The following RRP1 variants were observed in gnomAD, a reference collection of about 807,000 sequenced individuals.
The protein encoded by RRP1 is ribosomal RNA processing 1.
In RRP1, 37 loss-of-function variants were observed where a neutral mutation model predicts 54.6. That is an observed-to-expected ratio of 0.68 (90% CI 0.52 to 0.89). The LOEUF (loss-of-function observed/expected upper bound fraction) is 0.89. Ranked by LOEUF, RRP1 falls within the 40% of genes least tolerant of loss-of-function variation. The pLI is 0.00. For missense variants in RRP1, 639 were observed against 612.5 expected (o/e 1.04, Z -0.46); for synonymous variants, 262 against 244.3 (o/e 1.07, Z -0.67).
intron 2 of RRP1, among the ~76,000 whole-genome samples, chr21:43,791,661 C>A (rs2084960253): frequency 1.3e-5 from 2 of 152,116 alleles, no homozygotes; most frequent in Admixed American, 6.5e-5. Flanking sequence ...TGCCACCATG[C>A]CTGGCTAATT....
In RRP1 at chr21:43,789,706, A is replaced by C. The variant is rs2084936703; in HGVS notation, c.77A>C (p.Asp26Ala). The change falls in exon 1 of 13, where the codon GAC becomes GCC. Residue 26 changes from aspartate (D) to alanine (A), a missense_variant. Physicochemically the swap from Asp to Ala is moderately radical, Grantham distance 126. Transcript: ENST00000497547. ...GCGGGGAATGAGCAGGTGACCCGGGACCGGGCGGTGAGGAAGCTCCGGAAA... is the reference window on the plus strand; with the variant it reads ...GCGGGGAATGAGCAGGTGACCCGGGCCCGGGCGGTGAGGAAGCTCCGGAAA... ...RLAGNEQVTRDRAVRKLRKYI... is the reference protein window; with the variant it reads ...RLAGNEQVTRARAVRKLRKYI... 1 of 1,553,898 alleles carries C rather than the reference A, an allele frequency of 6.4e-7. No individual in the cohort carries two copies. Among genetic ancestry groups the C allele is most frequent in the African/African-American group, 1.4e-5 (1 of 72,020 alleles).
Position 43,800,237 on chromosome 21 carries a change from C to T in RRP1, c.892-280C>T, listed in dbSNP as rs144560678. ...AGTGGTAAAGCTGCAGGCAGGCTAC[C>T]GGCGGGCGTGTGCCCTGCAGTGTGC... On this transcript the variant is annotated intron_variant, in intron 9 of 12. Transcript: ENST00000497547. Among the ~76,000 whole-genome samples the T allele has an allele frequency of 3.5e-3, 529 of 152,328 alleles. 1 individual carries two copies. Among genetic ancestry groups the T allele is most frequent in the Middle Eastern group, 6.8e-3 (2 of 294 alleles).
chr21:43,800,745 A>AG (rs1555890886), intron 10 of RRP1, 117 bp from the exon 11 acceptor site: 1 of 1,516,920 alleles, frequency 6.6e-7, no homozygotes, highest in African/African-American at 1.4e-5. Flanking sequence ...GGACCCTGAG[A>AG]CCGTCCCCAG....
intron 11 of RRP1, 156 bp from the exon 12 acceptor site, chr21:43,802,118 G>A (rs1284196191): frequency 8.3e-6 from 5 of 601,986 alleles, no homozygotes; most frequent in Middle Eastern, 4.4e-4. Flanking sequence ...CAGCTGTGGC[G>A]GGTACTGAAC....
At position 43,803,514 on chromosome 21, in the gene RRP1, A is replaced by C. The variant is rs368644724; in HGVS notation, c.1126A>C (p.Lys376Gln). The C allele has an allele frequency of 4.4e-5, 68 of 1,549,074 alleles. No individual in the cohort carries two copies. In the African/African-American group the frequency reaches 8.7e-4, roughly 20 times the overall value. Residue 376 changes from lysine to glutamine, a missense_variant and splice_region_variant, in exon 13 of 13, where the codon AAA becomes CAA. Physicochemically the swap from Lys to Gln is moderately conservative, Grantham distance 53. Transcript: ENST00000497547. ...ATGGGGTCTTGCTGTTTTGTCAGGG[A>C]AAGGTGAGAAGGAGCCCCCGAGCCC... ...RLLRLQQERG[K>Q]GEKEPPSPGM...
At chr21:43,799,419 C>A in intron 8 of RRP1, 151 bp from the exon 9 acceptor site, 2 of 617,318 alleles carry the variant, frequency 3.2e-6, no homozygotes, top group South Asian at 4.5e-5. Context: ...ATGTTCTGAC[C>A]AGGGTGCAGG....
intron 1 of RRP1, 57 bp downstream of exon 1, chr21:43,789,819 T>C: frequency 7.0e-7 from 1 of 1,431,806 alleles, no homozygotes; most frequent in African/African-American, 1.5e-5. Context: ...GGTGCGGGTG[T>C]GGGCGGCGGC....
intron 8 of RRP1, among the ~76,000 whole-genome samples, chr21:43,798,583 C>G (rs189260838): frequency 5.8e-4 from 88 of 152,290 alleles, no homozygotes; most frequent in Middle Eastern, 3.4e-3. Flanking sequence ...ACAGCAAGCT[C>G]TGTCCATATT....
At chr21:43,799,968 G>C (rs768167339) in intron 9 of RRP1, among the ~76,000 whole-genome samples, 8 of 152,254 alleles carry the variant, frequency 5.3e-5, no homozygotes, top group Non-Finnish European at 8.8e-5. Flanking sequence ...CAGCCCCCCA[G>C]ATTTCCTGCG....
chr21:43,796,518 C>T (rs926738790), intron 5 of RRP1, among the ~76,000 whole-genome samples: 9 of 152,274 alleles, frequency 5.9e-5, no homozygotes, highest in Admixed American at 1.3e-4. Context: ...CAGTGGGGTC[C>T]GCTCTTCCCG....
chr21:43,802,221 A>C, intron 11 of RRP1, 53 bp from the exon 12 acceptor site: 1 of 1,381,912 alleles, frequency 7.2e-7, no homozygotes. Context: ...GCGAGCCTCA[A>C]ACCATAAGTC....
rs901941827 is a variant in RRP1 at position 43,804,839 on chromosome 21, C to G, written c.*1065C>G. 6.6e-6 allele frequency: 1 copy of G among 152,610 alleles called. No homozygotes were observed. The highest frequency in any genetic ancestry group is 1.5e-5 in the Non-Finnish European group (1 of 68,360). The allele number at this position is 152,610 out of a possible 1,614,324, so 9.5% of individuals were successfully genotyped here. A position where few individuals can be genotyped will look rare whatever the true frequency, so the allele number is the denominator to read the frequency against. The stretch of plus-strand genomic sequence containing the variant: ...GCTGCATTCGAGTGTCCCCCAACCC[C>G]GGGCAGGTGGCACCTGGTGACACCT... On this transcript the variant is annotated 3_prime_UTR_variant, in exon 13 of 13. Coordinates refer to ENST00000497547, the MANE Select transcript of RRP1 (RefSeq NM_003683.6). This position sits in a 1 kb window ranked among gnomAD's most constrained non-coding sequence, Gnocchi z 4.3.
intron 12 of RRP1, 37 bp from the exon 13 acceptor site, chr21:43,803,475 G>T: frequency 1.3e-6 from 2 of 1,512,026 alleles, no homozygotes; most frequent in Non-Finnish European, 1.8e-6. Context: ...GCCCGTGTTG[G>T]CATTCTCTGG....
chr21:43,803,973 C>A lies in RRP1; in HGVS notation c.*199C>A. The stretch of plus-strand genomic sequence containing the variant: ...GGAACTGGACCTTTCCCCAGAGCCT[C>A]CGCCTGTGGCTGTGATGACCTTGGG... On this transcript the variant is annotated 3_prime_UTR_variant, in exon 13 of 13. Coordinates refer to ENST00000497547, the MANE Select transcript of RRP1 (RefSeq NM_003683.6). 1 of 626,768 alleles carries A rather than the reference C, an allele frequency of 1.6e-6. No homozygotes were observed. Among genetic ancestry groups the A allele is most frequent in the Non-Finnish European group, 2.6e-6 (1 of 387,102 alleles). 38.8% of individuals were successfully genotyped at this position (626,768 alleles called of 1,614,324 possible). A position where few individuals can be genotyped will look rare whatever the true frequency, so the allele number is the denominator to read the frequency against.
In RRP1 at chr21:43,797,569, C is replaced by T. The variant is rs112805425; in HGVS notation, c.552+18C>T. The T allele has an allele frequency of 0.068, 109,346 of 1,613,882 alleles. 4,434 individuals carry two copies. The highest frequency in any genetic ancestry group is 0.15 in the South Asian group (13,291 of 91,068). ...CCGAGGAGGTGAGGCTGGGCTCCGA[C>T]GGGGCGGTGGAGCTGGGCGTTTGTG... On this transcript the variant is annotated intron_variant, in intron 6 of 12. Transcript: ENST00000497547.
intron 1 of RRP1, chr21:43,790,479 G>C (rs2084945453): frequency 6.5e-6 from 1 of 154,842 alleles, no homozygotes; most frequent in East Asian, 1.9e-4. Context: ...AGCTGTTCAA[G>C]TGCTTCTGCT....
At chr21:43,792,891 G>T in intron 3 of RRP1, 162 bp downstream of exon 3, 1 of 694,950 alleles carries the variant, frequency 1.4e-6, no homozygotes, top group South Asian at 1.8e-5. Flanking sequence ...CATGTGTGCA[G>T]TGCTGGTGTA....
intron 11 of RRP1, among the ~76,000 whole-genome samples, chr21:43,802,053 G>A (rs142845041): frequency 4.6e-5 from 7 of 152,268 alleles, no homozygotes; most frequent in Admixed American, 3.3e-4. Context: ...CCTGTGTCCT[G>A]GATGCTCCAG....
chr21:43,801,908 C>T (rs1168236933), intron 11 of RRP1, among the ~76,000 whole-genome samples: 4 of 152,118 alleles, frequency 2.6e-5, no homozygotes, highest in Non-Finnish European at 2.9e-5. Flanking sequence ...AAATGCTCGT[C>T]GCAGTGTTTT....
Sources: gnomAD v4.1 joint callset for allele counts (sites outside exome capture counted in the v4.1 genomes callset) on GRCh38, gnomAD v4.1.1 for gene constraint, Gnocchi (gnomAD v3.1) non-coding constraint, MANE v1.5 for transcripts, NCBI Gene and HGNC (gene_info 2026-07-23, HGNC 2026-07-21) for gene names.